HSPA12A: variants seen among roughly 807,000 people sequenced by gnomAD.
The protein encoded by HSPA12A is heat shock 70 kDa protein 12A.
A neutral mutation model predicts 69.2 loss-of-function variants in HSPA12A; 28 were observed. The observed-to-expected ratio is 0.40, with a 90% confidence interval of 0.30 to 0.55. The LOEUF (loss-of-function observed/expected upper bound fraction) is 0.55, where lower values mean the gene tolerates loss of function less well. HSPA12A is among the 20% of genes least tolerant of loss of function. HSPA12A has a pLI of 0.38. For missense variants in HSPA12A, 686 were observed against 900.7 expected (o/e 0.76, Z 3.05); for synonymous variants, 345 against 370.5 (o/e 0.93, Z 0.79).
intron 1 of HSPA12A, among the ~76,000 whole-genome samples, chr10:116,839,566 G>C (rs1211311409): frequency 7.8e-6 from 1 of 127,618 alleles, no homozygotes; most frequent in Admixed American, 9.1e-5. Context: ...ATCAACACAA[G>C]TGTGACTGAT....
intron 1 of HSPA12A, among the ~76,000 whole-genome samples, chr10:116,734,382 G>A (rs1851247289): frequency 6.7e-6 from 1 of 149,396 alleles, no homozygotes; most frequent in Admixed American, 6.6e-5. Context: ...CCCAGGTGGT[G>A]GAGGCTGCAG....
chr10:116,698,571 C>T (rs2132958160), intron 5 of HSPA12A, 64 bp downstream of exon 5: 1 of 1,318,908 alleles, frequency 7.6e-7, no homozygotes, highest in South Asian at 1.2e-5. Context: ...CAGCCCGAGA[C>T]ACGGAGCTGG....
intron 2 of HSPA12A, among the ~76,000 whole-genome samples, chr10:116,798,439 T>C (rs534813134): frequency 6.6e-4 from 100 of 152,278 alleles, no homozygotes; most frequent in African/African-American, 2.3e-3. Context: ...TAACTTCACT[T>C]TTCTCATTTG....
At chr10:116,756,620 T>C (rs1843857739) in intron 2 of HSPA12A, among the ~76,000 whole-genome samples, 1 of 152,268 alleles carries the variant, frequency 6.6e-6, no homozygotes, top group Non-Finnish European at 1.5e-5. Flanking sequence ...TCTCAGCCTG[T>C]TCTGAATCTT....
At chr10:116,814,806 A>C (rs999498020) in intron 2 of HSPA12A, among the ~76,000 whole-genome samples, 1 of 152,196 alleles carries the variant, frequency 6.6e-6, no homozygotes, top group African/African-American at 2.4e-5. Flanking sequence ...CTTGCTGGGA[A>C]GTTACATACC....
intron 1 of HSPA12A, among the ~76,000 whole-genome samples, chr10:116,738,147 G>A (rs1020979314): frequency 8.5e-5 from 13 of 152,156 alleles, no homozygotes; most frequent in African/African-American, 2.9e-4. Flanking sequence ...AGATTGAGTC[G>A]TCACTCCAGG....
At chr10:116,678,815 A>G (rs1012649135) in intron 10 of HSPA12A, among the ~76,000 whole-genome samples, 2 of 152,182 alleles carry the variant, frequency 1.3e-5, no homozygotes, top group African/African-American at 4.8e-5. Context: ...AAGCTGGACA[A>G]TGGGGTATTT....
At chr10:116,763,053 T>C (rs547571059) in intron 2 of HSPA12A, among the ~76,000 whole-genome samples, 6 of 152,172 alleles carry the variant, frequency 3.9e-5, no homozygotes, top group Admixed American at 2.0e-4. Context: ...GCTGCCACCA[T>C]CTTAAGGACA....
chr10:116,803,897 A>G (rs1012706091), intron 2 of HSPA12A, among the ~76,000 whole-genome samples: 14 of 151,990 alleles, frequency 9.2e-5, no homozygotes, highest in Non-Finnish European at 2.1e-4. Flanking sequence ...TTTAAAGTCC[A>G]CTCCCTTACC....
At chr10:116,843,666 G>T (rs979014101) in intron 1 of HSPA12A, among the ~76,000 whole-genome samples, 1 of 152,164 alleles carries the variant, frequency 6.6e-6, no homozygotes, top group African/African-American at 2.4e-5. Context: ...CTGGGGGAAG[G>T]CTTCATCATT....
chr10:116,791,268 G>C (rs536921331), intron 2 of HSPA12A, among the ~76,000 whole-genome samples: 7 of 152,200 alleles, frequency 4.6e-5, no homozygotes, highest in East Asian at 1.9e-4. Flanking sequence ...CCCAAAGGAG[G>C]TCAGATGTGT....
chr10:116,701,695 G>A (rs536039084), intron 3 of HSPA12A, among the ~76,000 whole-genome samples: 38 of 152,344 alleles, frequency 2.5e-4, no homozygotes, highest in African/African-American at 8.9e-4. Context: ...CTGCTCAGAG[G>A]TGGGCCAGCC....
intron 2 of HSPA12A, among the ~76,000 whole-genome samples, chr10:116,779,910 G>A (rs1844425670): frequency 6.6e-6 from 1 of 152,046 alleles, no homozygotes; most frequent in South Asian, 2.1e-4. Context: ...ACTCCCTAGG[G>A]GACTGCAGCC....
chr10:116,715,715 G>A (rs1283750172), intron 1 of HSPA12A, among the ~76,000 whole-genome samples: 3 of 152,152 alleles, frequency 2.0e-5, no homozygotes, highest in Non-Finnish European at 4.4e-5. Flanking sequence ...GCTCCCGGAC[G>A]GCAGGTCAAT....
At chr10:116,825,506 G>A (rs1391102457) in intron 2 of HSPA12A, among the ~76,000 whole-genome samples, 1 of 152,082 alleles carries the variant, frequency 6.6e-6, no homozygotes, top group East Asian at 1.9e-4. Context: ...GTGAGACTCT[G>A]TCTCAAAAAC....
intron 2 of HSPA12A, among the ~76,000 whole-genome samples, chr10:116,819,798 T>C (rs533460971): frequency 2.6e-4 from 40 of 152,334 alleles, no homozygotes; most frequent in African/African-American, 9.6e-4. Context: ...AATCTGTATG[T>C]AGCCATACAT....
intron 2 of HSPA12A, among the ~76,000 whole-genome samples, chr10:116,773,709 A>T (rs1554890749): frequency 6.6e-6 from 1 of 152,170 alleles, no homozygotes; most frequent in African/African-American, 2.4e-5. Flanking sequence ...CCAAGAAGGG[A>T]TTCCACTCAG....
intron 1 of HSPA12A, among the ~76,000 whole-genome samples, chr10:116,736,806 G>C (rs1292620818): frequency 6.6e-6 from 1 of 152,152 alleles, no homozygotes; most frequent in Non-Finnish European, 1.5e-5. Flanking sequence ...ACCCATTTTG[G>C]ACTTATTCCT....
intron 3 of HSPA12A, 72 bp downstream of exon 3, chr10:116,705,079 C>T: frequency 6.3e-7 from 1 of 1,582,082 alleles, no homozygotes; most frequent in Non-Finnish European, 8.6e-7. Flanking sequence ...CAATCACTGG[C>T]TCATTGCCCG....
Sources: allele counts gnomAD v4.1 joint callset (sites outside exome capture counted in the v4.1 genomes callset), GRCh38; gene constraint gnomAD v4.1.1; transcripts MANE v1.5; gene names NCBI Gene and HGNC (gene_info 2026-07-23, HGNC 2026-07-21).